SPMIP7: variants seen among roughly 807,000 people sequenced by gnomAD.
The protein encoded by SPMIP7 is sperm microtubule inner protein 7.
chr7:50,100,367 C>T, the SPMIP7 span, among the ~76,000 whole-genome samples: 4 of 152,204 alleles, frequency 2.6e-5, no homozygotes, highest in African/African-American at 9.6e-5. Flanking sequence ...TGTCAAGGTG[C>T]AGGAGCCTTT....
the SPMIP7 span, among the ~76,000 whole-genome samples, chr7:50,125,573 T>A: frequency 2.2e-5 from 3 of 138,172 alleles, no homozygotes; most frequent in Non-Finnish European, 4.6e-5. Context: ...GATGAATGGA[T>A]AAAGAAAATA....
At chr7:50,141,356 G>A in the SPMIP7 span, 7 of 1,551,532 alleles carry the variant, frequency 4.5e-6, no homozygotes, top group South Asian at 7.1e-5. Context: ...CCAAGCAGCG[G>A]TACTCTAAGC....
the SPMIP7 span, chr7:50,096,110 C>T: frequency 2.9e-5 from 44 of 1,515,652 alleles, no homozygotes; most frequent in East Asian, 1.7e-4. Flanking sequence ...TCAGGACACA[C>T]CTGGAAAGAT....
At chr7:50,157,044 A>C in the SPMIP7 span, among the ~76,000 whole-genome samples, 1 of 152,102 alleles carries the variant, frequency 6.6e-6, no homozygotes, top group Non-Finnish European at 1.5e-5. Flanking sequence ...GTACACTGGA[A>C]GGGGGACAAG....
the SPMIP7 span, chr7:50,129,593 C>T: frequency 9.2e-5 from 64 of 694,814 alleles, 1 homozygote; most frequent in South Asian, 6.7e-4. Flanking sequence ...CTGGTCAATC[C>T]AAGAGGTGCG....
chr7:50,151,386 T>C, the SPMIP7 span: 11 of 1,290,434 alleles, frequency 8.5e-6, no homozygotes, highest in Admixed American at 8.8e-5. Flanking sequence ...CTAGTTACCA[T>C]GACAATTTCA....
At chr7:50,096,545 A>G in the SPMIP7 span, 2 of 1,551,958 alleles carry the variant, frequency 1.3e-6, no homozygotes, top group East Asian at 2.4e-5. Flanking sequence ...AACAACAATA[A>G]AAAGGCAAAA....
chr7:50,138,332 T>C, the SPMIP7 span, among the ~76,000 whole-genome samples: 1 of 152,202 alleles, frequency 6.6e-6, no homozygotes, highest in Non-Finnish European at 1.5e-5. Flanking sequence ...AAAATGAAGT[T>C]GAATAGGAAA....
chr7:50,151,608 A>C, the SPMIP7 span: 2 of 1,258,084 alleles, frequency 1.6e-6, no homozygotes, highest in Non-Finnish European at 2.2e-6. Flanking sequence ...AGGAGGGGAA[A>C]TCCTAATTGT....
chr7:50,123,994 G>A, the SPMIP7 span, among the ~76,000 whole-genome samples: 1 of 152,014 alleles, frequency 6.6e-6, no homozygotes, highest in South Asian at 2.1e-4. Context: ...TTTACAAGAG[G>A]CATACTTCAG....
chr7:50,133,682 G>A, the SPMIP7 span, among the ~76,000 whole-genome samples: 6 of 152,198 alleles, frequency 3.9e-5, no homozygotes, highest in South Asian at 2.1e-4. Flanking sequence ...CTCATCTTCC[G>A]GGATCATTCA....
At chr7:50,159,227 G>T in the SPMIP7 span, 4 of 1,530,338 alleles carry the variant, frequency 2.6e-6, no homozygotes, top group Non-Finnish European at 3.5e-6. Flanking sequence ...TTGTGCGGCG[G>T]TGGGAAATAA....
At chr7:50,108,454 C>T in the SPMIP7 span, among the ~76,000 whole-genome samples, 3,289 of 152,144 alleles carry the variant, frequency 0.022, 49 homozygotes, top group Middle Eastern at 0.061. Flanking sequence ...AATCTAGATT[C>T]CCCTGAAAGA....
chr7:50,129,662 A>G, the SPMIP7 span: 1 of 1,199,318 alleles, frequency 8.3e-7, no homozygotes, highest in Non-Finnish European at 1.2e-6. Context: ...CTAGAAAACA[A>G]TAACAATTTC....
the SPMIP7 span, among the ~76,000 whole-genome samples, chr7:50,110,592 A>G: frequency 7.1e-6 from 1 of 141,402 alleles, no homozygotes; most frequent in Non-Finnish European, 1.5e-5. Flanking sequence ...TTTACATTTG[A>G]CATAGTATAT....
chr7:50,112,686 G>A, the SPMIP7 span, among the ~76,000 whole-genome samples: 13 of 152,204 alleles, frequency 8.5e-5, no homozygotes, highest in South Asian at 2.1e-3. Context: ...TCTAAAGAAG[G>A]GAAACTAACG....
chr7:50,153,822 G>C, the SPMIP7 span, among the ~76,000 whole-genome samples: 9 of 152,202 alleles, frequency 5.9e-5, 1 homozygote, highest in South Asian at 8.3e-4. Flanking sequence ...GGCACCCTAG[G>C]GGGTGGCTCT....
the SPMIP7 span, chr7:50,158,985 TG>T: frequency 6.6e-7 from 1 of 1,511,192 alleles, no homozygotes; most frequent in Non-Finnish European, 9.0e-7. Context: ...TGGATGAGGT[TG>T]TGTATTTGTA....
the SPMIP7 span, among the ~76,000 whole-genome samples, chr7:50,152,493 C>T: frequency 3.9e-5 from 6 of 152,076 alleles, no homozygotes; most frequent in Non-Finnish European, 5.9e-5. Context: ...GCATTGCAAA[C>T]GGTTTTGAAA....
Sources: allele counts gnomAD v4.1 joint callset (sites outside exome capture counted in the v4.1 genomes callset), GRCh38; gene constraint gnomAD v4.1.1; transcripts MANE v1.5; gene names NCBI Gene and HGNC (gene_info 2026-07-23, HGNC 2026-07-21).